BMAL2: variants seen among roughly 807,000 people sequenced by gnomAD.
The protein encoded by BMAL2 is basic helix-loop-helix ARNT-like protein 2.
At chr12:27,417,394 G>A in the BMAL2 span, among the ~76,000 whole-genome samples, 1 of 152,298 alleles carries the variant, frequency 6.6e-6, no homozygotes, top group South Asian at 2.1e-4. Context: ...ATTTGTGGAC[G>A]TGAACTTTTT....
chr12:27,363,246 G>A, the BMAL2 span, among the ~76,000 whole-genome samples: 1 of 152,074 alleles, frequency 6.6e-6, no homozygotes, highest in Non-Finnish European at 1.5e-5. Context: ...GTTTTCTCAG[G>A]TTTTCATTGT....
the BMAL2 span, among the ~76,000 whole-genome samples, chr12:27,384,212 A>C: frequency 6.6e-6 from 1 of 152,238 alleles, no homozygotes; most frequent in African/African-American, 2.4e-5. Flanking sequence ...GGCTTTGCGA[A>C]TCTGGGTTGG....
the BMAL2 span, among the ~76,000 whole-genome samples, chr12:27,385,033 G>C: frequency 6.6e-6 from 1 of 152,190 alleles, no homozygotes; most frequent in Non-Finnish European, 1.5e-5. Context: ...AAAATGATTA[G>C]CTGGGCGTAG....
the BMAL2 span, among the ~76,000 whole-genome samples, chr12:27,404,320 A>T: frequency 6.6e-6 from 1 of 151,926 alleles, no homozygotes; most frequent in Non-Finnish European, 1.5e-5. Flanking sequence ...TCAGATATTA[A>T]AATACGTTAT....
At chr12:27,365,180 A>T in the BMAL2 span, among the ~76,000 whole-genome samples, 1 of 151,894 alleles carries the variant, frequency 6.6e-6, no homozygotes, top group African/African-American at 2.4e-5. Context: ...CTTGTTTCTG[A>T]TCTTAAAAAG....
At chr12:27,409,480 A>C in the BMAL2 span, among the ~76,000 whole-genome samples, 1 of 152,252 alleles carries the variant, frequency 6.6e-6, no homozygotes, top group African/African-American at 2.4e-5. Flanking sequence ...ACCTGACAAA[A>C]AGAAGAAATG....
chr12:27,424,812 C>G, the BMAL2 span: 2 of 152,166 alleles, frequency 1.3e-5, no homozygotes, highest in Non-Finnish European at 2.9e-5. Flanking sequence ...CTAGGTGCCA[C>G]TTTTCTGTTT....
the BMAL2 span, chr12:27,415,894 G>T: frequency 6.2e-7 from 1 of 1,608,592 alleles, no homozygotes; most frequent in Non-Finnish European, 8.5e-7. Context: ...ATACCTTGAT[G>T]ATTCGAGTCC....
chr12:27,376,906 C>T, the BMAL2 span, among the ~76,000 whole-genome samples: 1 of 145,866 alleles, frequency 6.9e-6, no homozygotes, highest in Admixed American at 7.2e-5. Context: ...GGGACTGAGG[C>T]AGGAGAATGG....
At chr12:27,377,832 T>C in the BMAL2 span, among the ~76,000 whole-genome samples, 1 of 152,132 alleles carries the variant, frequency 6.6e-6, no homozygotes, top group Non-Finnish European at 1.5e-5. Flanking sequence ...TTAATCTGAA[T>C]CCTATCCACT....
the BMAL2 span, among the ~76,000 whole-genome samples, chr12:27,391,325 G>A: frequency 2.6e-5 from 4 of 152,254 alleles, no homozygotes; most frequent in South Asian, 8.3e-4. Flanking sequence ...AATTCACTTA[G>A]GATTATAGCC....
the BMAL2 span, chr12:27,403,599 A>T: frequency 9.1e-7 from 1 of 1,092,942 alleles, no homozygotes. Flanking sequence ...TTATAAAATC[A>T]ATATACAAAA....
chr12:27,388,994 AT>A, the BMAL2 span, among the ~76,000 whole-genome samples: 1 of 152,150 alleles, frequency 6.6e-6, no homozygotes, highest in Non-Finnish European at 1.5e-5. Flanking sequence ...ATACGCATGT[AT>A]TTTTTTCTGT....
the BMAL2 span, among the ~76,000 whole-genome samples, chr12:27,345,337 G>C: frequency 6.6e-6 from 1 of 152,050 alleles, no homozygotes; most frequent in East Asian, 1.9e-4. Flanking sequence ...ATTGAGGATG[G>C]GACATGCATG....
chr12:27,384,232 T>C, the BMAL2 span, among the ~76,000 whole-genome samples: 1 of 152,306 alleles, frequency 6.6e-6, no homozygotes, highest in African/African-American at 2.4e-5. Context: ...GTGGATTCCC[T>C]TACTCCTCCC....
the BMAL2 span, among the ~76,000 whole-genome samples, chr12:27,417,787 A>T: frequency 6.6e-6 from 1 of 151,944 alleles, no homozygotes; most frequent in Non-Finnish European, 1.5e-5. Context: ...AGGTCAGGAG[A>T]TCGAGACCAT....
the BMAL2 span, chr12:27,424,412 ATATGG>A: frequency 3.3e-5 from 5 of 152,382 alleles, no homozygotes; most frequent in East Asian, 9.6e-4. Flanking sequence ...GAAATGAGTT[ATATGG>A]TCATCACTAA....
At chr12:27,381,693 CCT>C in the BMAL2 span, among the ~76,000 whole-genome samples, 3 of 152,072 alleles carry the variant, frequency 2.0e-5, no homozygotes, top group Admixed American at 6.6e-5. Flanking sequence ...AGAAATCACC[CCT>C]GTTTTGGGAA....
chr12:27,377,208 AG>A, the BMAL2 span, among the ~76,000 whole-genome samples: 1 of 152,204 alleles, frequency 6.6e-6, no homozygotes, highest in Non-Finnish European at 1.5e-5. Flanking sequence ...AACTGTACAC[AG>A]AATTAGGAGC....
Sources: gnomAD v4.1 joint callset for allele counts (sites outside exome capture counted in the v4.1 genomes callset) on GRCh38, gnomAD v4.1.1 for gene constraint, MANE v1.5 for transcripts, NCBI Gene and HGNC (gene_info 2026-07-23, HGNC 2026-07-21) for gene names.